TXNDC17: variants seen among roughly 807,000 people sequenced by gnomAD.
The protein encoded by TXNDC17 is thioredoxin domain containing 17, also known as thioredoxin domain-containing protein 17.
TXNDC17 carries 12 observed loss-of-function variants against 16.3 expected under a neutral mutation model. The observed-to-expected ratio is 0.74, with a 90% confidence interval of 0.47 to 1.19. TXNDC17 has a LOEUF of 1.19. Ranked by LOEUF, TXNDC17 falls within the 50% of genes most tolerant of loss-of-function variation. The pLI is 0.00. For missense variants in TXNDC17, 158 were observed against 149.7 expected, an observed-to-expected ratio of 1.06 and a Z score of -0.29; for synonymous variants, 62 against 55.0, an observed-to-expected ratio of 1.13 and a Z score of -0.56.
At chr17:6,641,460 C>T (rs1399352971) in intron 1 of TXNDC17, 11 of 646,434 alleles carry the variant, frequency 1.7e-5, no homozygotes, top group Non-Finnish European at 2.6e-5. Flanking sequence ...ACTTCTCACT[C>T]CCCCAGTACC....
chr17:6,641,786 T>C lies in TXNDC17; in HGVS notation c.179T>C (p.Ile60Thr). The change falls in exon 2 of 4, where the codon ATT becomes ACT. Residue 60 changes from isoleucine to threonine, a missense_variant. Physicochemically the swap from Ile to Thr is moderately conservative, Grantham distance 89. Coordinates refer to ENST00000250101, the MANE Select transcript of TXNDC17 (RefSeq NM_032731.4). ...GTCGTACGAGAGGGGCTGAAGCACA[T>C]TAGTGAAGGATGTGTGTTCATCTAC... ...EPVVREGLKH[I>T]SEGCVFIYCQ... The C allele has an allele frequency of 6.2e-7, 1 of 1,614,130 alleles. No individual in the cohort carries two copies. Among genetic ancestry groups the C allele is most frequent in the Non-Finnish European group, 8.5e-7 (1 of 1,180,024 alleles).
Position 6,643,900 on chromosome 17 carries a change from G to A in TXNDC17, c.*881G>A. 1 of 386,966 alleles carries A rather than the reference G, an allele frequency of 2.6e-6. No individual in the cohort carries two copies. The highest frequency in any genetic ancestry group is 4.6e-6 in the Non-Finnish European group (1 of 218,976). The allele number at this position is 386,966 out of a possible 1,614,324, so 24.0% of individuals were successfully genotyped here. A position where few individuals can be genotyped will look rare whatever the true frequency, so the allele number is the denominator to read the frequency against. On this transcript the variant is annotated 3_prime_UTR_variant, in exon 4 of 4. Coordinates refer to ENST00000250101, the MANE Select transcript of TXNDC17 (RefSeq NM_032731.4). ...TTGTCCTGCCATGACTAGGTCAAGT[G>A]AGGCCACAGTGATTCAGTGATTCTT... is the stretch of plus-strand genomic sequence containing the variant.
At chr17:6,642,779 C>T in intron 3 of TXNDC17, 172 bp from the exon 4 acceptor site, 1 of 595,210 alleles carries the variant, frequency 1.7e-6, no homozygotes, top group South Asian at 2.1e-5. Context: ...GTTAGTGATT[C>T]ATCTTACAGC....
At chr17:6,642,042 C>G in intron 2 of TXNDC17, 3 of 658,204 alleles carry the variant, frequency 4.6e-6, no homozygotes, top group Non-Finnish European at 8.0e-6. Flanking sequence ...AAGCCCAGAA[C>G]TTAGCTGGCT....
At position 6,641,174 on chromosome 17, in the gene TXNDC17, T is replaced by G. The variant is rs146846385; in HGVS notation, c.92T>G (p.Phe31Cys). The part of the protein sequence containing the change: ...QHNGKTIFAY[F>C]TGSKDAGGKS... Reference sequence around the variant, plus strand: ...AATGGCAAGACCATTTTCGCCTACTTTACGGGTTCTAAGGACGCCGGGGGG... The same window carrying G: ...AATGGCAAGACCATTTTCGCCTACTGTACGGGTTCTAAGGACGCCGGGGGG... The change falls in exon 1 of 4, where the codon TTT becomes TGT. Residue 31 changes from phenylalanine (F) to cysteine (C), a missense_variant. Physicochemically the swap from Phe to Cys is radical, Grantham distance 205 (BLOSUM62 -2). Transcript: ENST00000250101. 2 of 1,613,740 alleles carry G rather than the reference T, an allele frequency of 1.2e-6. No homozygotes were observed. The highest frequency in any genetic ancestry group is 1.3e-5 in the African/African-American group (1 of 75,052).
Position 6,644,035 on chromosome 17 carries a change from C to G in TXNDC17, c.*1016C>G, listed in dbSNP as rs1972731427. The G allele has an allele frequency of 2.5e-6, 1 of 400,976 alleles. No individual in the cohort carries two copies. 24.8% of individuals were successfully genotyped at this position (400,976 alleles called of 1,614,324 possible). A position where few individuals can be genotyped will look rare whatever the true frequency, so the allele number is the denominator to read the frequency against. ...TAAAGAGGTCAGTGACTCCGCTACT[C>G]TCACTACATCTTAGAGTAGAGTGGT... On this transcript the variant is annotated 3_prime_UTR_variant, in exon 4 of 4. Coordinates refer to ENST00000250101, the MANE Select transcript of TXNDC17 (RefSeq NM_032731.4).
intron 2 of TXNDC17, 69 bp from the exon 3 acceptor site, chr17:6,642,180 G>A: frequency 8.8e-7 from 1 of 1,134,952 alleles, no homozygotes; most frequent in Non-Finnish European, 1.3e-6. Flanking sequence ...GTAGGACTAT[G>A]TCAAATATTA....
In TXNDC17 at chr17:6,642,976, G is replaced by A. The variant is rs974805360; in HGVS notation, c.329G>A (p.Cys110Tyr). Residue 110 changes from cysteine (C) to tyrosine (Y), a missense_variant, in exon 4 of 4, where the codon TGT becomes TAT. Physicochemically the swap from Cys to Tyr is radical, Grantham distance 194 (BLOSUM62 -2). Coordinates refer to ENST00000250101, the MANE Select transcript of TXNDC17 (RefSeq NM_032731.4). ...CCTCAAAAACTGGTAGAATCTGAGT[G>A]TCTTCAGGCCAACCTGGTGGAAATG... ...GTPQKLVESE[C>Y]LQANLVEMLF... 6.2e-7 allele frequency: 1 copy of A among 1,613,912 alleles called. No individual in the cohort carries two copies. The highest frequency in any genetic ancestry group is 8.5e-7 in the Non-Finnish European group (1 of 1,179,932).
At chr17:6,642,646 T>C in intron 3 of TXNDC17, 1 of 459,534 alleles carries the variant, frequency 2.2e-6, no homozygotes, top group Non-Finnish European at 3.8e-6. Context: ...TCTAGTTCAG[T>C]CATGCCCCTG....
chr17:6,642,277 A>C lies in TXNDC17; in HGVS notation c.256A>C (p.Lys86Gln). Residue 86 changes from lysine (K) to glutamine (Q), a missense_variant, in exon 3 of 4, where the codon AAA (lysine) becomes CAA (glutamine). Coordinates refer to ENST00000250101, the MANE Select transcript of TXNDC17 (RefSeq NM_032731.4). ...GAAAGATCCAAATAATGACTTCAGA[A>C]AAAACTTGAAAGTAACAGCAGTGCC... ...YWKDPNNDFR[K>Q]NLKVTAVPTL... 6.2e-7 allele frequency: 1 copy of C among 1,611,558 alleles called. No individual in the cohort carries two copies. The highest frequency in any genetic ancestry group is 8.5e-7 in the Non-Finnish European group (1 of 1,178,974).
Position 6,644,161 on chromosome 17 carries a change from C to A in TXNDC17, c.*1142C>A, listed in dbSNP as rs1395981982. 6.7e-6 allele frequency: 3 copies of A among 446,212 alleles called. No individual in the cohort carries two copies. In the East Asian group the frequency reaches 1.0e-4, roughly 15 times the overall value. The allele number at this position is 446,212 out of a possible 1,614,324, so 27.6% of individuals were successfully genotyped here. A position where few individuals can be genotyped will look rare whatever the true frequency, so the allele number is the denominator to read the frequency against. On this transcript the variant is annotated 3_prime_UTR_variant, in exon 4 of 4. Transcript: ENST00000250101. ...GAATTCAGTATACTTGGTGGCCCAC[C>A]CCTACCCCATGCCCCAGTGCCTTAT...
chr17:6,642,864 AG>A, intron 3 of TXNDC17, 86 bp from the exon 4 acceptor site: 1 of 946,156 alleles, frequency 1.1e-6, no homozygotes, highest in Non-Finnish European at 1.7e-6. Context: ...CTGTGTTCAA[AG>A]ATGAGTGTCA....
intron 3 of TXNDC17, 51 bp downstream of exon 3, chr17:6,642,375 T>A: frequency 8.0e-7 from 1 of 1,246,548 alleles, no homozygotes; most frequent in Non-Finnish European, 1.2e-6. Context: ...AGAACTCTTT[T>A]AACTTGCTGT....
At chr17:6,642,355 A>G in intron 3 of TXNDC17, 31 bp downstream of exon 3, 1 of 1,416,434 alleles carries the variant, frequency 7.1e-7, no homozygotes, top group South Asian at 1.2e-5. Flanking sequence ...TGGGCCTGTA[A>G]TTCACTGTCA....
At chr17:6,641,962 G>C in intron 2 of TXNDC17, 128 bp downstream of exon 2, 5 of 877,792 alleles carry the variant, frequency 5.7e-6, no homozygotes, top group Non-Finnish European at 9.1e-6. Flanking sequence ...ACAATTAGAA[G>C]CTATTAAATA....
In TXNDC17 at chr17:6,642,944, C is replaced by G. The variant is rs1567600987; in HGVS notation, c.304-7C>G. On this transcript the variant is annotated splice_region_variant and splice_polypyrimidine_tract_variant and intron_variant, in intron 3 of 3. Transcript: ENST00000250101. Reference sequence around the variant, plus strand: ...GTAGTGAAGATTTGACTGTTTTTCTCTTACAGCCTCAAAAACTGGTAGAAT... The same window carrying G: ...GTAGTGAAGATTTGACTGTTTTTCTGTTACAGCCTCAAAAACTGGTAGAAT... 2 of 1,611,540 alleles carry G rather than the reference C, an allele frequency of 1.2e-6. No homozygotes were observed. The highest frequency in any genetic ancestry group is 1.7e-6 in the Non-Finnish European group (2 of 1,178,014).
In TXNDC17 at chr17:6,644,375, T is replaced by TACCAAAAA; in HGVS notation, c.*1357_*1358insCCAAAAAA. 7.1e-7 allele frequency: 1 copy of TACCAAAAA among 1,407,970 alleles called. No homozygotes were observed. Among genetic ancestry groups the TACCAAAAA allele is most frequent in the Non-Finnish European group, 9.4e-7 (1 of 1,062,458 alleles). 87.2% of individuals were successfully genotyped at this position (1,407,970 alleles called of 1,614,324 possible). ...GTTCTAGGGGCTACCATAATAAAGG[T>TACCAAAAA]AGATAGGAAGAGTTTTCATTTTTTT... On this transcript the variant is annotated 3_prime_UTR_variant, in exon 4 of 4. Transcript: ENST00000250101.
chr17:6,642,147 C>G, intron 2 of TXNDC17, 102 bp from the exon 3 acceptor site: 1 of 813,074 alleles, frequency 1.2e-6, no homozygotes, highest in Non-Finnish European at 2.0e-6. Flanking sequence ...TTTGCAAGAA[C>G]AGTGATTACT....
Position 6,644,269 on chromosome 17 carries a change from A to T in TXNDC17, c.*1250A>T. On this transcript the variant is annotated 3_prime_UTR_variant, in exon 4 of 4. Transcript: ENST00000250101. The stretch of plus-strand genomic sequence containing the variant: ...AAAAAGAAAAACACCTTACAAATCC[A>T]CAGGGAAATCAAAGAACAATTCAGG... The T allele has an allele frequency of 1.7e-6, 1 of 593,572 alleles. No individual in the cohort carries two copies. Among genetic ancestry groups the T allele is most frequent in the Non-Finnish European group, 2.6e-6 (1 of 378,360 alleles). The allele number at this position is 593,572 out of a possible 1,614,324, so 36.8% of individuals were successfully genotyped here.
Sources: allele counts gnomAD v4.1 joint callset, GRCh38; gene constraint gnomAD v4.1.1; transcripts MANE v1.5; gene names NCBI Gene and HGNC (gene_info 2026-07-23, HGNC 2026-07-21).